Variants in FGF14 observed in about 807,000 individuals in gnomAD.
FGF14 encodes the protein fibroblast growth factor 14.
Under a neutral mutation model 25.5 loss-of-function variants are expected in FGF14, and 5 were observed. The ratio of observed to expected loss-of-function variants is 0.20; its 90% CI spans 0.10 to 0.41. The LOEUF (loss-of-function observed/expected upper bound fraction) is 0.41. Among genes scored for constraint, FGF14 ranks in the 10% least tolerant of loss-of-function variants. The probability of loss-of-function intolerance (pLI) is 1.00; values close to 1 mark genes in which losing one functional copy is unlikely to be tolerated. For missense variants in FGF14, 222 were observed against 320.1 expected, an observed-to-expected ratio of 0.69 and a Z score of 2.34; for synonymous variants, 138 against 118.3, an observed-to-expected ratio of 1.17 and a Z score of -1.08.
intron 1 of FGF14, among the ~76,000 whole-genome samples, chr13:102,380,011 G>A (rs2058143410): frequency 6.6e-6 from 1 of 152,112 alleles, no homozygotes; most frequent in South Asian, 2.1e-4. Context: ...GAGGCTCTGA[G>A]TTTAATACTC....
intron 1 of FGF14, among the ~76,000 whole-genome samples, chr13:102,216,721 A>G (rs925415344): frequency 6.7e-6 from 1 of 149,590 alleles, no homozygotes; most frequent in Non-Finnish European, 1.5e-5. Flanking sequence ...TTAACTAGTC[A>G]TCCAACTATG....
intron 1 of FGF14, among the ~76,000 whole-genome samples, chr13:101,957,346 A>G (rs1016793297): frequency 6.6e-6 from 1 of 152,188 alleles, no homozygotes. Context: ...AAAGGAATAA[A>G]GAGACACTAT....
chr13:102,275,946 A>G (rs1024565676), intron 1 of FGF14, among the ~76,000 whole-genome samples: 5 of 152,162 alleles, frequency 3.3e-5, no homozygotes, highest in Non-Finnish European at 7.4e-5. Context: ...AGCAATGAAC[A>G]GTAAAAAAAC....
intron 1 of FGF14, among the ~76,000 whole-genome samples, chr13:101,880,834 C>T (rs78292126): frequency 0.027 from 4,081 of 152,224 alleles, 186 homozygotes; most frequent in African/African-American, 0.093. Flanking sequence ...ACCGAATTCA[C>T]TTTCTGTTTT....
intron 3 of FGF14, among the ~76,000 whole-genome samples, chr13:101,853,201 C>T (rs2043947443): frequency 6.6e-6 from 1 of 151,960 alleles, no homozygotes; most frequent in Admixed American, 6.6e-5. Context: ...TGGCCCGCCA[C>T]CTTGTTTCTC....
chr13:102,187,411 A>G (rs1047933650), intron 1 of FGF14, among the ~76,000 whole-genome samples: 1 of 152,236 alleles, frequency 6.6e-6, no homozygotes, highest in Non-Finnish European at 1.5e-5. Context: ...TTTATAAAAC[A>G]GAATCCTAGA....
rs56084859 is a variant in FGF14 at position 101,788,872 on chromosome 13, C to CTA, written c.409-62064_409-62063dup. Among the ~76,000 whole-genome samples, 220 of 26,364 alleles carry CTA rather than the reference C, an allele frequency of 8.3e-3. 6 individuals are homozygous for CTA. The highest frequency in any genetic ancestry group is 0.013 in the South Asian group (4 of 302). The allele number at this position is 26,364 out of a possible 152,430, so 17.3% of individuals were successfully genotyped here. On this transcript the variant is annotated intron_variant, in intron 3 of 4. Coordinates refer to ENST00000376143, the MANE Select transcript of FGF14 (RefSeq NM_004115.4). ...TTAATGTTATTTGTGCCTTTTTTGA[C>CTA]TATATATATATATATATATATATAT...
chr13:102,382,878 T>C (rs927423631), intron 1 of FGF14, among the ~76,000 whole-genome samples: 2 of 152,146 alleles, frequency 1.3e-5, no homozygotes, highest in African/African-American at 4.8e-5. Flanking sequence ...TCCATTCTTA[T>C]GAAATATCTA....
chr13:101,840,030 T>C (rs1479402699), intron 3 of FGF14, among the ~76,000 whole-genome samples: 1 of 151,936 alleles, frequency 6.6e-6, no homozygotes, highest in Admixed American at 6.6e-5. Context: ...TAATGCCCAA[T>C]GAAGATATTA....
chr13:102,185,121 G>T (rs1390833530), intron 1 of FGF14, among the ~76,000 whole-genome samples: 2 of 152,034 alleles, frequency 1.3e-5, no homozygotes, highest in African/African-American at 2.4e-5. Flanking sequence ...AATTACTATT[G>T]CTGGAATAAT....
chr13:102,088,269 T>C (rs1413948879), intron 1 of FGF14, among the ~76,000 whole-genome samples: 1 of 152,212 alleles, frequency 6.6e-6, no homozygotes, highest in East Asian at 1.9e-4. Flanking sequence ...AGAAATGCTG[T>C]AGTTTAATGA....
At chr13:102,078,471 CTGA>C (rs1172354310) in intron 1 of FGF14, among the ~76,000 whole-genome samples, 1 of 152,132 alleles carries the variant, frequency 6.6e-6, no homozygotes, top group Non-Finnish European at 1.5e-5. Context: ...AGAGGAAAGA[CTGA>C]TAAGTAAAAG....
At chr13:101,798,275 T>C (rs957370731) in intron 3 of FGF14, among the ~76,000 whole-genome samples, 1 of 152,106 alleles carries the variant, frequency 6.6e-6, no homozygotes, top group African/African-American at 2.4e-5. Flanking sequence ...TTTAATTCCA[T>C]AGAGATGTTT....
At chr13:101,986,976 T>C (rs1476741562) in intron 1 of FGF14, among the ~76,000 whole-genome samples, 1 of 151,294 alleles carries the variant, frequency 6.6e-6, no homozygotes, top group Non-Finnish European at 1.5e-5. Flanking sequence ...CAGTCTGTCA[T>C]GAATTTCTAT....
At chr13:102,249,668 C>T (rs1050722143) in intron 1 of FGF14, among the ~76,000 whole-genome samples, 4 of 151,954 alleles carry the variant, frequency 2.6e-5, no homozygotes, top group Non-Finnish European at 5.9e-5. Flanking sequence ...CATAGGACTA[C>T]ACCTGTGTCT....
chr13:102,040,819 C>T (rs1478960485), intron 1 of FGF14, among the ~76,000 whole-genome samples: 1 of 152,052 alleles, frequency 6.6e-6, no homozygotes, highest in African/African-American at 2.4e-5. Flanking sequence ...TCTGTTGGGT[C>T]CAGTGGTTCT....
chr13:101,899,892 C>A (rs918698608), intron 1 of FGF14, among the ~76,000 whole-genome samples: 6 of 152,010 alleles, frequency 3.9e-5, no homozygotes, highest in Non-Finnish European at 5.9e-5. Flanking sequence ...ATTTGAACTA[C>A]AAAATCAGTA....
At chr13:102,199,614 C>T (rs960509905) in intron 1 of FGF14, among the ~76,000 whole-genome samples, 5 of 152,120 alleles carry the variant, frequency 3.3e-5, no homozygotes, top group Admixed American at 6.5e-5. Flanking sequence ...TCATATTTTC[C>T]CTTAGGCATT....
chr13:102,061,720 T>C (rs989262495), intron 1 of FGF14, among the ~76,000 whole-genome samples: 2 of 152,186 alleles, frequency 1.3e-5, no homozygotes, highest in African/African-American at 2.4e-5. Context: ...TGGCCTCCAG[T>C]GCTTGGTCAC....
Sources: allele counts gnomAD v4.1 joint callset (sites outside exome capture counted in the v4.1 genomes callset), GRCh38; gene constraint gnomAD v4.1.1; transcripts MANE v1.5; gene names NCBI Gene and HGNC (gene_info 2026-07-23, HGNC 2026-07-21).